The following CCDC91 variants were observed in gnomAD, a reference collection of about 807,000 sequenced individuals.
CCDC91 encodes coiled-coil domain-containing protein 91.
CCDC91 carries 48 observed loss-of-function variants against 63.2 expected under a neutral mutation model. That is an observed-to-expected ratio of 0.76 (90% CI 0.60 to 0.97). The LOEUF is 0.97. Among genes scored for constraint, CCDC91 ranks in the 50% least tolerant of loss-of-function variants. The pLI is 0.00. For missense variants in CCDC91, 500 were observed against 494.6 expected, an observed-to-expected ratio of 1.01 and a Z score of -0.10; for synonymous variants, 167 against 165.8, an observed-to-expected ratio of 1.01 and a Z score of -0.06.
chr12:28,454,291 C>T (rs1949957863), intron 11 of CCDC91, among the ~76,000 whole-genome samples: 1 of 152,142 alleles, frequency 6.6e-6, no homozygotes, highest in African/African-American at 2.4e-5. Flanking sequence ...ACTGACTGGC[C>T]TTGTACTGGT....
At chr12:28,470,886 C>A (rs1950782005) in intron 11 of CCDC91, among the ~76,000 whole-genome samples, 1 of 152,002 alleles carries the variant, frequency 6.6e-6, no homozygotes, top group African/African-American at 2.4e-5. Flanking sequence ...AAAATCAAAA[C>A]AATTGAACCC....
At chr12:28,482,334 T>G (rs1951492336) in intron 11 of CCDC91, among the ~76,000 whole-genome samples, 1 of 151,980 alleles carries the variant, frequency 6.6e-6, no homozygotes, top group South Asian at 2.1e-4. Flanking sequence ...TTTAATCTTT[T>G]GAAATAATTA....
At chr12:28,400,144 A>G (rs1946527655) in intron 8 of CCDC91, among the ~76,000 whole-genome samples, 1 of 152,136 alleles carries the variant, frequency 6.6e-6, no homozygotes, top group Non-Finnish European at 1.5e-5. Context: ...GCATTTCCAT[A>G]CATCCTCTGA....
chr12:28,278,700 TC>T (rs1375434789), intron 3 of CCDC91, among the ~76,000 whole-genome samples: 1 of 152,092 alleles, frequency 6.6e-6, no homozygotes, highest in Non-Finnish European at 1.5e-5. Context: ...CCTAAACACA[TC>T]CTGTGGTTTC....
chr12:28,195,549 G>A (rs1031716353), intron 1 of CCDC91, among the ~76,000 whole-genome samples: 5 of 152,136 alleles, frequency 3.3e-5, no homozygotes, highest in Admixed American at 6.5e-5. Context: ...TGTTCTGTGC[G>A]TCTGTTTGGC....
intron 3 of CCDC91, among the ~76,000 whole-genome samples, chr12:28,264,699 C>T (rs1022708860): frequency 2.7e-5 from 4 of 150,380 alleles, no homozygotes; most frequent in African/African-American, 7.3e-5. Context: ...CATGACTTGA[C>T]CTTGCAATTT....
At chr12:28,469,505 TA>T (rs1950705628) in intron 11 of CCDC91, among the ~76,000 whole-genome samples, 1 of 152,110 alleles carries the variant, frequency 6.6e-6, no homozygotes, top group Admixed American at 6.6e-5. Flanking sequence ...AAAATGTCCA[TA>T]TTTCCCAAAG....
chr12:28,490,570 G>A (rs951650825), intron 12 of CCDC91, among the ~76,000 whole-genome samples: 5 of 151,742 alleles, frequency 3.3e-5, no homozygotes, highest in African/African-American at 1.2e-4. Context: ...GTTTCAACTA[G>A]GTCACAAATT....
chr12:28,473,974 T>TTGTGTGTGTGTG (rs142414549), intron 11 of CCDC91, among the ~76,000 whole-genome samples: 1 of 149,592 alleles, frequency 6.7e-6, no homozygotes. Flanking sequence ...GCATGTGTGT[T>TTGTGTGTGTGTG]TGTGTGTGTG....
intron 11 of CCDC91, among the ~76,000 whole-genome samples, chr12:28,472,442 TAAC>T (rs1592769352): frequency 6.6e-6 from 1 of 152,166 alleles, no homozygotes; most frequent in South Asian, 2.1e-4. Flanking sequence ...AGAAAAAAGT[TAAC>T]AATTTTTATT....
rs1347146771 is a variant in CCDC91 at position 28,203,570 on chromosome 12, G to C, written c.-15+12929G>C. On this transcript the variant is annotated intron_variant, in intron 1 of 12. Coordinates refer to ENST00000536442, the MANE Select transcript of CCDC91 (RefSeq NM_018318.5). ...AACCATTTAACAATATTAGGCATCT[G>C]CTTAGTGCTGTGAAAATTCTGCAGG... 3.3e-5 allele frequency among the ~76,000 whole-genome samples: 5 copies of C among 152,280 alleles called. No individual in the cohort carries two copies. In the East Asian group the frequency reaches 9.7e-4, roughly 29 times the overall value.
intron 12 of CCDC91, among the ~76,000 whole-genome samples, chr12:28,490,598 T>G (rs965859767): frequency 6.6e-6 from 1 of 151,864 alleles, no homozygotes; most frequent in Non-Finnish European, 1.5e-5. Context: ...CTTCTTAAAT[T>G]AAAAGCTTAG....
intron 6 of CCDC91, among the ~76,000 whole-genome samples, chr12:28,342,668 T>C: frequency 6.6e-6 from 1 of 152,086 alleles, no homozygotes; most frequent in East Asian, 1.9e-4. Flanking sequence ...GCAATACCCC[T>C]GAGTAGATGA....
At chr12:28,492,966 ACC>A (rs1162961854) in intron 12 of CCDC91, among the ~76,000 whole-genome samples, 2 of 151,634 alleles carry the variant, frequency 1.3e-5, no homozygotes, top group Non-Finnish European at 3.0e-5. Context: ...CACAGTTATC[ACC>A]TCAAAACTAA....
intron 6 of CCDC91, among the ~76,000 whole-genome samples, chr12:28,316,282 T>C (rs1939849843): frequency 6.6e-6 from 1 of 151,802 alleles, no homozygotes; most frequent in African/African-American, 2.4e-5. Flanking sequence ...CATTTGTCTT[T>C]ACTTGACTCC....
chr12:28,300,470 A>G (rs1937943343), intron 3 of CCDC91, among the ~76,000 whole-genome samples: 1 of 151,234 alleles, frequency 6.6e-6, no homozygotes, highest in South Asian at 2.1e-4. Flanking sequence ...ATTTATAGAG[A>G]TTGTATAACA....
intron 12 of CCDC91, among the ~76,000 whole-genome samples, chr12:28,508,470 T>C (rs1180625349): frequency 1.3e-5 from 2 of 151,846 alleles, no homozygotes; most frequent in Admixed American, 1.3e-4. Flanking sequence ...CTTGTCTATT[T>C]ACAGTCAAAA....
intron 6 of CCDC91, among the ~76,000 whole-genome samples, chr12:28,315,784 G>GT (rs940998810): frequency 3.3e-5 from 5 of 150,802 alleles, no homozygotes; most frequent in African/African-American, 1.2e-4. Flanking sequence ...TAGTTCTTTT[G>GT]TGCCCTCAAC....
chr12:28,371,418 A>C (rs1001311285), intron 7 of CCDC91, among the ~76,000 whole-genome samples: 4 of 152,084 alleles, frequency 2.6e-5, no homozygotes, highest in African/African-American at 4.8e-5. Context: ...CATCCGCTTT[A>C]CCCTAGTCTG....
Sources: gnomAD v4.1 joint callset for allele counts (sites outside exome capture counted in the v4.1 genomes callset) on GRCh38, gnomAD v4.1.1 for gene constraint, MANE v1.5 for transcripts, NCBI Gene and HGNC (gene_info 2026-07-23, HGNC 2026-07-21) for gene names.